PREPL: variants seen among roughly 807,000 people sequenced by gnomAD.
The protein encoded by PREPL is prolyl endopeptidase-like.
PREPL carries 77 observed loss-of-function variants against 70.6 expected under a neutral mutation model. The observed-to-expected ratio is 1.09, with a 90% CI of 0.91 to 1.32. The LOEUF (loss-of-function observed/expected upper bound fraction) is 1.32, where lower values mean the gene tolerates loss of function less well. Among genes scored for constraint, PREPL ranks in the 40% most tolerant of loss-of-function variants. The probability of loss-of-function intolerance (pLI) is 0.00; values close to 1 mark genes in which losing one functional copy is unlikely to be tolerated. For synonymous variants in PREPL, 315 were observed against 264.8 expected, an observed-to-expected ratio of 1.19 and a Z score of -1.84; for missense variants, 1,002 against 778.2, an observed-to-expected ratio of 1.29 and a Z score of -3.42.
chr2:44,342,621 G>T, intron 4 of PREPL, 69 bp from the exon 5 acceptor site: 1 of 1,070,086 alleles, frequency 9.3e-7, no homozygotes, highest in Non-Finnish European at 1.3e-6. Flanking sequence ...AAAAAGCACA[G>T]CACATTCTAA....
At chr2:44,323,452 T>G (rs746875404) in intron 10 of PREPL, 41 bp from the exon 11 acceptor site, 1 of 1,491,214 alleles carries the variant, frequency 6.7e-7, no homozygotes, top group Non-Finnish European at 9.1e-7. Flanking sequence ...AAGTAAGAGG[T>G]TGGTAAGTGA....
rs1249825436 is a variant in PREPL at position 44,319,756 on chromosome 2, G to C, written c.*1600C>G. On this transcript the variant is annotated 3_prime_UTR_variant, in exon 14 of 14. Coordinates refer to ENST00000409411, the MANE Select transcript of PREPL (RefSeq NM_001171613.2). ...AAAGTTACACGATCTTCGCACAACA[G>C]CAACCTACACATTAGTCTACAAAGG... The C allele has an allele frequency of 1.3e-5, 2 of 159,200 alleles. No homozygotes were observed. Among genetic ancestry groups the C allele is most frequent in the Non-Finnish European group, 2.8e-5 (2 of 72,258 alleles). The allele number at this position is 159,200 out of a possible 1,614,324, so 9.9% of individuals were successfully genotyped here.
intron 7 of PREPL, among the ~76,000 whole-genome samples, chr2:44,337,831 C>G (rs1359116532): frequency 2.0e-5 from 3 of 152,196 alleles, no homozygotes; most frequent in African/African-American, 7.2e-5. Flanking sequence ...GCTGTGGAGA[C>G]CACTGCTACT....
At chr2:44,344,492 G>T in intron 3 of PREPL, 28 bp downstream of exon 3, 2 of 1,449,736 alleles carry the variant, frequency 1.4e-6, no homozygotes, top group Non-Finnish European at 9.4e-7. Flanking sequence ...GAAAATTAGA[G>T]CACGTAAAAA....
chr2:44,359,067 CTTTTT>C (rs35700374), intron 1 of PREPL, among the ~76,000 whole-genome samples: 9 of 94,476 alleles, frequency 9.5e-5, no homozygotes, highest in East Asian at 2.5e-4. Flanking sequence ...TATGTATACA[CTTTTT>C]TTTTTTTTTT....
rs571399162 is a variant in PREPL, at chr2:44,341,640, G to A, written c.485+777C>T. ...AGAATATACGAAATATAAAGAACTA[G>A]ACATTAATCTTTTTTTCCAATTATT... On this transcript the variant is annotated intron_variant, in intron 5 of 13. Coordinates refer to ENST00000409411, the MANE Select transcript of PREPL (RefSeq NM_001171613.2). Among the ~76,000 whole-genome samples the A allele has an allele frequency of 3.3e-5, 5 of 151,580 alleles. No homozygotes were observed. In the South Asian group the frequency reaches 1.0e-3, roughly 31 times the overall value.
intron 9 of PREPL, among the ~76,000 whole-genome samples, chr2:44,328,058 G>T: frequency 6.7e-6 from 1 of 148,928 alleles, no homozygotes; most frequent in South Asian, 2.2e-4. Flanking sequence ...GGCTGAGGCG[G>T]GCGGATCACT....
intron 1 of PREPL, chr2:44,360,165 C>A: frequency 6.5e-6 from 1 of 152,982 alleles, no homozygotes; most frequent in Non-Finnish European, 1.5e-5. Flanking sequence ...TAATTATGAA[C>A]GTATCTTTGG....
chr2:44,338,446 T>C lies in PREPL; in HGVS notation c.793A>G (p.Met265Val), dbSNP rs779779195. 3 of 1,613,002 alleles carry C rather than the reference T, an allele frequency of 1.9e-6. No homozygotes were observed. The highest frequency in any genetic ancestry group is 2.5e-6 in the Non-Finnish European group (3 of 1,179,348). The change falls in exon 7 of 14, where the codon ATG becomes GTG. Residue 265 changes from methionine (M) to valine (V), a missense_variant. Coordinates refer to ENST00000409411, the MANE Select transcript of PREPL (RefSeq NM_001171613.2). ...KRNTKVIDLD[M>V]FKDHCVLFLK... is the part of the protein sequence containing the mutation. ...AATAGAACACAGTGATCCTTAAACA[T>C]GTCCAAGTCTATCACTTTTGTATTT...
At chr2:44,329,869 C>A (rs1462787767) in intron 8 of PREPL, among the ~76,000 whole-genome samples, 1 of 152,150 alleles carries the variant, frequency 6.6e-6, no homozygotes, top group Admixed American at 6.5e-5. Flanking sequence ...CTACCTTTCA[C>A]ACAAAAAAGA....
Position 44,317,990 on chromosome 2 carries a change from C to T in PREPL, c.*3366G>A, listed in dbSNP as rs1204797906. ...TAGAAAGCTTGCAACCCAGCTATAGCTATAAACACAAAAAATGAAGTTATC... is the reference window on the plus strand; with the variant it reads ...TAGAAAGCTTGCAACCCAGCTATAGTTATAAACACAAAAAATGAAGTTATC... On this transcript the variant is annotated 3_prime_UTR_variant, in exon 14 of 14. Transcript: ENST00000409411. 2.1e-5 allele frequency: 7 copies of T among 333,986 alleles called. No homozygotes were observed. Among genetic ancestry groups the T allele is most frequent in the Non-Finnish European group, 3.6e-5 (6 of 168,276 alleles). The allele number at this position is 333,986 out of a possible 1,614,324, so 20.7% of individuals were successfully genotyped here.
At chr2:44,327,650 C>G (rs1461234789) in intron 9 of PREPL, among the ~76,000 whole-genome samples, 1 of 152,072 alleles carries the variant, frequency 6.6e-6, no homozygotes, top group Non-Finnish European at 1.5e-5. Flanking sequence ...CACTTGAGGT[C>G]AGGAGTTTGA....
chr2:44,334,646 A>G (rs555750488), intron 7 of PREPL, among the ~76,000 whole-genome samples: 147 of 152,320 alleles, frequency 9.7e-4, no homozygotes, highest in African/African-American at 3.4e-3. Flanking sequence ...CTCGGCTTCA[A>G]GTGACTCTCC....
intron 7 of PREPL, among the ~76,000 whole-genome samples, chr2:44,333,561 G>T (rs1674333123): frequency 6.6e-6 from 1 of 151,874 alleles, no homozygotes; most frequent in South Asian, 2.1e-4. Flanking sequence ...TGCGTAAAGG[G>T]GATACCATTC....
At position 44,321,275 on chromosome 2, in the gene PREPL, AT is replaced by A. The variant is rs371223439; in HGVS notation, c.*80del. ...ATAACTTAAAAGTCTCAAGTTATTAATTTTTTTTTTGCTAACTCAATTGGAA... is the reference window on the plus strand; with the variant it reads ...ATAACTTAAAAGTCTCAAGTTATTAATTTTTTTTTGCTAACTCAATTGGAA... On this transcript the variant is annotated 3_prime_UTR_variant, in exon 14 of 14. Coordinates refer to ENST00000409411, the MANE Select transcript of PREPL (RefSeq NM_001171613.2). The A allele has an allele frequency of 0.027, 29,382 of 1,077,816 alleles. 333 individuals are homozygous for A. Among genetic ancestry groups the A allele is most frequent in the Non-Finnish European group, 0.032 (24,397 of 758,804 alleles). 66.8% of individuals were successfully genotyped at this position (1,077,816 alleles called of 1,614,324 possible). A position where few individuals can be genotyped will look rare whatever the true frequency, so the allele number is the denominator to read the frequency against.
At chr2:44,361,271 A>C (rs1000119193) in intron 1 of PREPL, 109 bp downstream of exon 1, 1 of 148,716 alleles carries the variant, frequency 6.7e-6, no homozygotes, top group Non-Finnish European at 1.5e-5. Context: ...ACACGCACGC[A>C]GTGCCGGGAC....
chr2:44,333,680 C>A (rs1674349777), intron 7 of PREPL, among the ~76,000 whole-genome samples: 1 of 152,058 alleles, frequency 6.6e-6, no homozygotes, highest in Non-Finnish European at 1.5e-5. Context: ...CATCTGCAAT[C>A]TCTAAAAGCT....
At chr2:44,358,433 G>C (rs1677282407) in intron 1 of PREPL, among the ~76,000 whole-genome samples, 2 of 152,240 alleles carry the variant, frequency 1.3e-5, no homozygotes, top group South Asian at 4.1e-4. Context: ...ATAAATTTGT[G>C]AAACTATTGC....
Position 44,354,965 on chromosome 2 carries a change from G to A in PREPL, c.-49+6415C>T, listed in dbSNP as rs1345246183. On this transcript the variant is annotated intron_variant, in intron 1 of 13. Coordinates refer to ENST00000409411, the MANE Select transcript of PREPL (RefSeq NM_001171613.2). ...TGAAACATAAAGATAAACCAGGTAC[G>A]TTTTAGAATTTTGAGATTTTGGAAT... is the stretch of plus-strand genomic sequence containing the variant. 2.0e-5 allele frequency among the ~76,000 whole-genome samples: 3 copies of A among 152,174 alleles called. No homozygotes were observed. In the East Asian group the frequency reaches 5.8e-4, roughly 29 times the overall value.
Sources: allele counts gnomAD v4.1 joint callset (sites outside exome capture counted in the v4.1 genomes callset), GRCh38; gene constraint gnomAD v4.1.1; transcripts MANE v1.5; gene names NCBI Gene and HGNC (gene_info 2026-07-23, HGNC 2026-07-21).